TMEM164: variants seen among roughly 807,000 people sequenced by gnomAD.
TMEM164 encodes the protein RP13-360B22.2.
A neutral mutation model predicts 18.8 loss-of-function variants in TMEM164; 4 were observed. The observed-to-expected ratio is 0.21, with a 90% CI of 0.10 to 0.49. The LOEUF is 0.49. TMEM164 is among the 20% of genes least tolerant of loss of function. The probability of loss-of-function intolerance (pLI) is 0.98; values close to 1 mark genes in which losing one functional copy is unlikely to be tolerated. For missense variants in TMEM164, 108 were observed against 239.9 expected (o/e 0.45, Z 3.63); for synonymous variants, 86 against 101.7 (o/e 0.85, Z 0.93).
chrX:110,009,265 C>T (rs1602462537), intron 2 of TMEM164, among the ~76,000 whole-genome samples: 1 of 111,973 alleles, frequency 8.9e-6, no homozygotes, highest in Non-Finnish European at 1.9e-5. Flanking sequence ...TTAGTTTCCT[C>T]CCCCTCTGTA....
At chrX:110,044,418 C>G (rs1318889641) in intron 2 of TMEM164, among the ~76,000 whole-genome samples, 1 of 109,323 alleles carries the variant, frequency 9.1e-6, no homozygotes, top group Non-Finnish European at 1.9e-5. Context: ...CTGTGATAAT[C>G]TGTCAGGTTT....
chrX:110,116,123 C>G (rs1751835177), intron 4 of TMEM164, among the ~76,000 whole-genome samples: 1 of 111,858 alleles, frequency 8.9e-6, no homozygotes, highest in Non-Finnish European at 1.9e-5. Flanking sequence ...ACAAGGCATT[C>G]AGGCTTGACT....
intron 3 of TMEM164, among the ~76,000 whole-genome samples, chrX:110,106,649 C>T (rs1263320703): frequency 4.5e-5 from 5 of 111,852 alleles, no homozygotes; most frequent in Non-Finnish European, 7.5e-5. Context: ...GCTGGGATTA[C>T]AGGTGTGAGT....
At chrX:110,079,329 C>T (rs1478955947) in intron 3 of TMEM164, among the ~76,000 whole-genome samples, 1 of 111,663 alleles carries the variant, frequency 9.0e-6, no homozygotes, top group Non-Finnish European at 1.9e-5. Flanking sequence ...GTGTTATTGT[C>T]CTTTGACTCT....
At chrX:110,133,431 A>T (rs2791641) in intron 4 of TMEM164, among the ~76,000 whole-genome samples, 2 of 110,877 alleles carry the variant, frequency 1.8e-5, no homozygotes, top group African/African-American at 6.6e-5. Context: ...GATTACAGGC[A>T]TGAGCCACCG....
chrX:110,114,288 C>A (rs1254427029), intron 4 of TMEM164, among the ~76,000 whole-genome samples: 3 of 111,979 alleles, frequency 2.7e-5, no homozygotes, highest in Non-Finnish European at 3.8e-5. Flanking sequence ...CCTCTGTAAG[C>A]CCACCTATTC....
intron 4 of TMEM164, among the ~76,000 whole-genome samples, chrX:110,139,566 C>T (rs2066739429): frequency 8.9e-6 from 1 of 111,826 alleles, no homozygotes; most frequent in South Asian, 3.7e-4. Flanking sequence ...AGTTTGTTGT[C>T]ATGAATGTAA....
At chrX:110,136,630 T>C (rs73636951) in intron 4 of TMEM164, among the ~76,000 whole-genome samples, 247 of 111,710 alleles carry the variant, frequency 2.2e-3, no homozygotes, top group African/African-American at 7.8e-3. Flanking sequence ...TGAGGTATGG[T>C]GTGAGCTCCC....
intron 2 of TMEM164, among the ~76,000 whole-genome samples, chrX:110,032,533 A>G (rs906223105): frequency 8.9e-6 from 1 of 111,869 alleles, no homozygotes; most frequent in Non-Finnish European, 1.9e-5. Context: ...AGCAGAACTC[A>G]AAACTCAGAG....
intron 6 of TMEM164, among the ~76,000 whole-genome samples, chrX:110,172,494 G>C (rs2067244645): frequency 9.0e-6 from 1 of 111,324 alleles, no homozygotes; most frequent in African/African-American, 3.3e-5. Flanking sequence ...TGGTTTGCTG[G>C]GGGCTTAGTC....
chrX:110,046,529 A>G (rs905407946), intron 2 of TMEM164: 2 of 714,861 alleles, frequency 2.8e-6, no homozygotes, highest in Admixed American at 8.7e-5. Context: ...GCAAATTAAC[A>G]TTGTTTCTTC....
At chrX:110,032,211 TTATG>T (rs1159652897) in intron 2 of TMEM164, among the ~76,000 whole-genome samples, 1 of 111,961 alleles carries the variant, frequency 8.9e-6, no homozygotes, top group Non-Finnish European at 1.9e-5. Context: ...CTAGCTATGT[TTATG>T]TGTGTTGGGG....
intron 5 of TMEM164, among the ~76,000 whole-genome samples, chrX:110,145,450 A>T (rs922836884): frequency 9.0e-6 from 1 of 111,351 alleles, no homozygotes; most frequent in Non-Finnish European, 1.9e-5. Context: ...AAGCTGATCT[A>T]TTTGTAACCT....
intron 2 of TMEM164, among the ~76,000 whole-genome samples, chrX:110,030,108 G>GTT (rs34803907): frequency 2.2e-4 from 6 of 26,994 alleles, no homozygotes; most frequent in Non-Finnish European, 3.8e-4. Flanking sequence ...TTCTCTGTCT[G>GTT]TTTTTTTTTT....
At chrX:110,098,446 G>A (rs2066054655) in intron 3 of TMEM164, among the ~76,000 whole-genome samples, 1 of 110,149 alleles carries the variant, frequency 9.1e-6, no homozygotes, top group Non-Finnish European at 1.9e-5. Flanking sequence ...TGAGTTGTAG[G>A]GTGAGTACTA....
chrX:110,090,099 T>G (rs1164022530), intron 3 of TMEM164, among the ~76,000 whole-genome samples: 1 of 110,483 alleles, frequency 9.1e-6, no homozygotes, highest in Non-Finnish European at 1.9e-5. Context: ...TAGGGGCATT[T>G]GCCAACTTCC....
intron 5 of TMEM164, among the ~76,000 whole-genome samples, chrX:110,159,412 G>C (rs745975057): frequency 5.4e-5 from 6 of 110,834 alleles, no homozygotes; most frequent in Non-Finnish European, 9.4e-5. Flanking sequence ...CTGAACTGTC[G>C]GGAGGTTGTG....
chrX:110,028,659 G>A (rs943004737), intron 2 of TMEM164, among the ~76,000 whole-genome samples: 12 of 111,672 alleles, frequency 1.1e-4, no homozygotes, highest in African/African-American at 2.9e-4. Context: ...TCATCTTTTT[G>A]TTGCTGATTT....
At chrX:110,052,737 A>G (rs1379116690) in intron 2 of TMEM164, among the ~76,000 whole-genome samples, 1 of 101,995 alleles carries the variant, frequency 9.8e-6, no homozygotes, top group African/African-American at 3.5e-5. Flanking sequence ...CAGCATTTAC[A>G]TGCATCTGTT....
Sources: gnomAD v4.1 joint callset for allele counts (sites outside exome capture counted in the v4.1 genomes callset) on GRCh38, gnomAD v4.1.1 for gene constraint, MANE v1.5 for transcripts, NCBI Gene and HGNC (gene_info 2026-07-23, HGNC 2026-07-21) for gene names.